The following HNRNPM variants were observed in gnomAD, a reference collection of about 807,000 sequenced individuals.
HNRNPM encodes heterogeneous nuclear ribonucleoprotein M.
A neutral mutation model predicts 73.1 loss-of-function variants in HNRNPM; 11 were observed. The observed-to-expected ratio is 0.15, with a 90% confidence interval of 0.09 to 0.25. The LOEUF (loss-of-function observed/expected upper bound fraction) is 0.25. HNRNPM is among the 10% of genes least tolerant of loss of function. HNRNPM has a pLI of 1.00. For missense variants in HNRNPM, 789 were observed against 1,067.9 expected, an observed-to-expected ratio of 0.74 and a Z score of 3.64; for synonymous variants, 407 against 355.2, an observed-to-expected ratio of 1.15 and a Z score of -1.64.
chr19:8,486,062 G>A lies in HNRNPM; in HGVS notation c.1634G>A (p.Gly545Asp). 2.5e-6 allele frequency: 4 copies of A among 1,606,456 alleles called. No individual in the cohort carries two copies. The highest frequency in any genetic ancestry group is 3.4e-6 in the Non-Finnish European group (4 of 1,179,634). ...AGMGAGLERM[G>D]PVMDRMATGL... ...ATGGGAGCTGGCCTGGAGCGCATGG[G>A]CCCCGTGATGGATCGCATGGCCACC... Residue 545 changes from glycine (G) to aspartate (D), a missense_variant, in exon 14 of 16, where the codon GGC (glycine) becomes GAC (aspartate). Gly to Asp is a moderately conservative substitution (Grantham distance 94, BLOSUM62 -1). Transcript: ENST00000325495.
At chr19:8,449,188 G>C (rs1052525985) in intron 1 of HNRNPM, among the ~76,000 whole-genome samples, 1 of 152,182 alleles carries the variant, frequency 6.6e-6, no homozygotes, top group African/African-American at 2.4e-5. Flanking sequence ...TGGATTATTT[G>C]AATGCATGCT....
At chr19:8,456,171 G>A (rs1395235291) in intron 2 of HNRNPM, among the ~76,000 whole-genome samples, 4 of 152,092 alleles carry the variant, frequency 2.6e-5, no homozygotes, top group African/African-American at 7.2e-5. Flanking sequence ...GCTTTGTAAC[G>A]CGGTGCCTTA....
chr19:8,484,496 T>C (rs1368327516), intron 13 of HNRNPM, among the ~76,000 whole-genome samples: 1 of 152,238 alleles, frequency 6.6e-6, no homozygotes, highest in African/African-American at 2.4e-5. Context: ...TCTGATGCCT[T>C]TGGGCAAAGT....
chr19:8,459,050 C>G (rs1599768009), intron 2 of HNRNPM, among the ~76,000 whole-genome samples: 1 of 152,168 alleles, frequency 6.6e-6, no homozygotes, highest in East Asian at 1.9e-4. Flanking sequence ...GCCCCAGCCT[C>G]CCAAGTAGCC....
chr19:8,479,042 G>A (rs944898705), intron 12 of HNRNPM, among the ~76,000 whole-genome samples: 4 of 149,444 alleles, frequency 2.7e-5, no homozygotes, highest in Non-Finnish European at 5.9e-5. Flanking sequence ...TTTTGGTTAG[G>A]TGGCAGAGCA....
At chr19:8,475,893 C>A (rs1439286343) in intron 12 of HNRNPM, among the ~76,000 whole-genome samples, 1 of 138,104 alleles carries the variant, frequency 7.2e-6, no homozygotes, top group Non-Finnish European at 1.5e-5. Flanking sequence ...CACTGCGAAA[C>A]CCCATCTCTC....
chr19:8,472,466 C>T (rs941221917), intron 10 of HNRNPM, among the ~76,000 whole-genome samples: 1 of 152,122 alleles, frequency 6.6e-6, no homozygotes, highest in Admixed American at 6.5e-5. Flanking sequence ...ACGTTTCCCC[C>T]GACCCAAAAC....
intron 13 of HNRNPM, among the ~76,000 whole-genome samples, chr19:8,483,647 C>T (rs1459259588): frequency 6.6e-6 from 1 of 152,240 alleles, no homozygotes; most frequent in African/African-American, 2.4e-5. Flanking sequence ...TAAATGTACT[C>T]ATTAGGAAAA....
chr19:8,455,268 A>G (rs1968926047), intron 1 of HNRNPM, 137 bp from the exon 2 acceptor site: 1 of 698,724 alleles, frequency 1.4e-6, no homozygotes, highest in South Asian at 2.1e-5. Context: ...GGTGTGAGCC[A>G]CCGCATCTGA....
At chr19:8,474,327 T>G (rs1444709922) in intron 12 of HNRNPM, 83 bp downstream of exon 12, 1 of 823,560 alleles carries the variant, frequency 1.2e-6, no homozygotes, top group African/African-American at 1.8e-5. Flanking sequence ...GCAGACCCAC[T>G]GAATAAGTGG....
Position 8,445,064 on chromosome 19 carries a change from C to G in HNRNPM, c.66C>G (p.Ser22Arg), listed in dbSNP as rs988411618. The G allele has an allele frequency of 2.8e-6, 4 of 1,421,042 alleles. No individual in the cohort carries two copies. Among genetic ancestry groups the G allele is most frequent in the Non-Finnish European group, 3.7e-6 (4 of 1,089,074 alleles). The allele number at this position is 1,421,042 out of a possible 1,614,324, so 88.0% of individuals were successfully genotyped here. A position where few individuals can be genotyped will look rare whatever the true frequency, so the allele number is the denominator to read the frequency against. Residue 22 changes from serine (S) to arginine (R), a missense_variant, in exon 1 of 16, where the codon AGC becomes AGG. Coordinates refer to ENST00000325495, the MANE Select transcript of HNRNPM (RefSeq NM_005968.5). ...AATEIKMEEE[S>R]GAPGVPSGNG... ...CGGAGATCAAAATGGAGGAAGAGAG[C>G]GGCGCGCCCGGCGTGCCGAGCGGCA... is the stretch of plus-strand genomic sequence containing the variant.
chr19:8,446,982 T>G (rs1396222233), intron 1 of HNRNPM, among the ~76,000 whole-genome samples: 1 of 152,284 alleles, frequency 6.6e-6, no homozygotes, highest in East Asian at 1.9e-4. Context: ...ATAAATTTAT[T>G]TACCGTATGC....
intron 1 of HNRNPM, among the ~76,000 whole-genome samples, chr19:8,447,909 T>A (rs914708430): frequency 1.3e-5 from 2 of 151,978 alleles, no homozygotes; most frequent in African/African-American, 4.8e-5. Flanking sequence ...TCCTGTAGTC[T>A]CAGCCACTGG....
At chr19:8,451,463 T>TA (rs141784669) in intron 1 of HNRNPM, among the ~76,000 whole-genome samples, 6,101 of 152,160 alleles carry the variant, frequency 0.04, 270 homozygotes, top group African/African-American at 0.11. Flanking sequence ...TTGGACATGT[T>TA]AAAAAAAGAG....
intron 12 of HNRNPM, among the ~76,000 whole-genome samples, chr19:8,479,007 G>A (rs762581370): frequency 6.6e-5 from 10 of 151,272 alleles, no homozygotes; most frequent in Non-Finnish European, 1.2e-4. Flanking sequence ...AGGCCTATCC[G>A]TATGCAGAGA....
intron 12 of HNRNPM, among the ~76,000 whole-genome samples, chr19:8,479,480 CTTTT>C (rs1290924331): frequency 6.6e-6 from 1 of 152,006 alleles, no homozygotes; most frequent in Non-Finnish European, 1.5e-5. Flanking sequence ...GGGCAAGATT[CTTTT>C]TTAATACAGT....
chr19:8,473,514 T>A (rs539962091), intron 10 of HNRNPM, 150 bp from the exon 11 acceptor site: 1 of 615,212 alleles, frequency 1.6e-6, no homozygotes, highest in Non-Finnish European at 2.9e-6. Context: ...TAAGGGCTTT[T>A]TTTCTTGCTG....
intron 1 of HNRNPM, among the ~76,000 whole-genome samples, chr19:8,450,304 A>G (rs546225834): frequency 2.0e-5 from 3 of 152,226 alleles, no homozygotes; most frequent in Admixed American, 6.5e-5. Context: ...AGAAACTCCA[A>G]AAGTAGTGAG....
At chr19:8,472,823 C>A (rs1044439229) in intron 10 of HNRNPM, among the ~76,000 whole-genome samples, 3 of 152,182 alleles carry the variant, frequency 2.0e-5, no homozygotes, top group Non-Finnish European at 4.4e-5. Context: ...CTCAGGTGAT[C>A]CACCCGCCTC....
Sources: gnomAD v4.1 joint callset for allele counts (sites outside exome capture counted in the v4.1 genomes callset) on GRCh38, gnomAD v4.1.1 for gene constraint, MANE v1.5 for transcripts, NCBI Gene and HGNC (gene_info 2026-07-23, HGNC 2026-07-21) for gene names.